Variants in PEMT observed in about 807,000 individuals in gnomAD.
PEMT encodes phosphatidylethanolamine N-methyltransferase.
Under a neutral mutation model 27.4 loss-of-function variants are expected in PEMT, and 23 were observed. The observed-to-expected ratio is 0.84, with a 90% CI of 0.60 to 1.19. The LOEUF (loss-of-function observed/expected upper bound fraction) is 1.19, where lower values mean the gene tolerates loss of function less well. PEMT is among the 50% of genes most tolerant of loss of function. The probability of loss-of-function intolerance (pLI) is 0.00; values close to 1 mark genes in which losing one functional copy is unlikely to be tolerated. For synonymous variants in PEMT, 137 were observed against 139.1 expected (o/e 0.98, Z 0.11); for missense variants, 307 against 310.1 (o/e 0.99, Z 0.07).
chr17:17,561,751 G>A lies in PEMT; in HGVS notation c.204+15169C>T, dbSNP rs1194684660. On this transcript the variant is annotated intron_variant, in intron 2 of 6. Transcript: ENST00000255389. The surrounding 1 kb of genome is among the most constrained non-coding windows in gnomAD (Gnocchi z 4.5). ...CCAGAGATATGAGGGGGGCACAACC[G>A]CACCGGGCTCCCGAGGATGGCAAGG... Among the ~76,000 whole-genome samples, 1 of 152,198 alleles carries A rather than the reference G, an allele frequency of 6.6e-6. No individual in the cohort carries two copies. Among genetic ancestry groups the A allele is most frequent in the Non-Finnish European group, 1.5e-5 (1 of 68,036 alleles).
At chr17:17,522,476 T>C in intron 2 of PEMT, 81 bp from the exon 3 acceptor site, 2 of 881,332 alleles carry the variant, frequency 2.3e-6, no homozygotes, top group Non-Finnish European at 3.7e-6. Flanking sequence ...TGCCTCTCTC[T>C]GCTTCCCAGG....
chr17:17,567,190 T>G (rs568169484), intron 2 of PEMT, among the ~76,000 whole-genome samples: 127 of 152,368 alleles, frequency 8.3e-4, no homozygotes, highest in African/African-American at 2.9e-3. Flanking sequence ...GGATCCTGCC[T>G]GCCAGGCTCC....
chr17:17,570,891 C>T (rs1911153865), intron 2 of PEMT: 1 of 985,378 alleles, frequency 1.0e-6, no homozygotes, highest in South Asian at 4.7e-5. Context: ...GGAGTCCATC[C>T]TGGTCCTTGG....
chr17:17,540,729 T>TG, intron 2 of PEMT, among the ~76,000 whole-genome samples: 1 of 152,316 alleles, frequency 6.6e-6, no homozygotes, highest in African/African-American at 2.4e-5. Context: ...CAGAGGGTCG[T>TG]GCAGCATGCA....
At chr17:17,564,568 G>A (rs1422882080) in intron 2 of PEMT, among the ~76,000 whole-genome samples, 1 of 152,132 alleles carries the variant, frequency 6.6e-6, no homozygotes, top group Non-Finnish European at 1.5e-5. Context: ...GAGGGCAGAG[G>A]CACTTCAGCA....
chr17:17,508,804 C>A (rs529656292), intron 5 of PEMT: 4 of 463,118 alleles, frequency 8.6e-6, no homozygotes, highest in African/African-American at 6.0e-5. Flanking sequence ...TGGCACGGGG[C>A]CCCCTCTGTG....
intron 1 of PEMT, among the ~76,000 whole-genome samples, chr17:17,589,865 C>T (rs1009097208): frequency 3.9e-5 from 6 of 152,220 alleles, no homozygotes; most frequent in Admixed American, 2.0e-4. Context: ...CAACAAGGGT[C>T]ACCCTGACCC....
chr17:17,535,759 A>T (rs1908420617), intron 2 of PEMT, among the ~76,000 whole-genome samples: 1 of 152,202 alleles, frequency 6.6e-6, no homozygotes, highest in Non-Finnish European at 1.5e-5. Context: ...ATATTGTGAG[A>T]GAATTCTTGA....
At chr17:17,586,507 C>T (rs1400227824) in intron 1 of PEMT, among the ~76,000 whole-genome samples, 1 of 152,110 alleles carries the variant, frequency 6.6e-6, no homozygotes, top group African/African-American at 2.4e-5. Context: ...GAATTAAACT[C>T]GAAATCAGTC....
chr17:17,515,342 G>A (rs1050962735), intron 3 of PEMT, among the ~76,000 whole-genome samples: 1 of 152,264 alleles, frequency 6.6e-6, no homozygotes, highest in Non-Finnish European at 1.5e-5. Context: ...CTTGGAAGCA[G>A]ATTCCTGATG....
At chr17:17,541,053 C>T (rs775192730) in intron 2 of PEMT, among the ~76,000 whole-genome samples, 7 of 152,216 alleles carry the variant, frequency 4.6e-5, no homozygotes, top group African/African-American at 1.2e-4. Flanking sequence ...TCGGCTGAGA[C>T]GGGGACAGAG....
chr17:17,518,289 C>G (rs1416965065), intron 3 of PEMT: 1 of 372,282 alleles, frequency 2.7e-6, no homozygotes, highest in Non-Finnish European at 3.7e-6. Flanking sequence ...CCACGCCTCG[C>G]CCACCCCCGT....
rs978921556 is a variant in PEMT at position 17,513,154 on chromosome 17, T to A, written c.321-500A>T. Among the ~76,000 whole-genome samples, 2 of 152,318 alleles carry A rather than the reference T, an allele frequency of 1.3e-5. No homozygotes were observed. The highest frequency in any genetic ancestry group is 2.9e-5 in the Non-Finnish European group (2 of 68,026). On this transcript the variant is annotated intron_variant, in intron 3 of 6. Transcript: ENST00000255389. This position sits in a 1 kb window ranked among gnomAD's most constrained non-coding sequence, Gnocchi z 4.1. Reference sequence around the variant, plus strand: ...CCTGGGGCATGCTCTGTGCTAGGGATTGCGCTTCCACAGCCCCTGTGGGTC... The same window carrying A: ...CCTGGGGCATGCTCTGTGCTAGGGAATGCGCTTCCACAGCCCCTGTGGGTC...
Position 17,546,307 on chromosome 17 carries a change from T to A in PEMT, c.205-23912A>T, listed in dbSNP as rs184165468. ...GATGCCTGCTGGACACCACTGCCCC[T>A]GGGTTTGGCCGGGCTTTGCTCTCCC... On this transcript the variant is annotated intron_variant, in intron 2 of 6. Transcript: ENST00000255389. 5.1e-3 allele frequency among the ~76,000 whole-genome samples: 775 copies of A among 152,046 alleles called. 5 individuals carry two copies. Among genetic ancestry groups the A allele is most frequent in the Non-Finnish European group, 8.4e-3 (568 of 68,002 alleles).
intron 2 of PEMT, among the ~76,000 whole-genome samples, chr17:17,575,576 C>G (rs1911528417): frequency 6.6e-6 from 1 of 152,244 alleles, no homozygotes; most frequent in African/African-American, 2.4e-5. Flanking sequence ...GGCTGCAGCC[C>G]TGGCTCCAGA....
chr17:17,572,544 A>T (rs776081160), intron 2 of PEMT, among the ~76,000 whole-genome samples: 1 of 152,130 alleles, frequency 6.6e-6, no homozygotes, highest in African/African-American at 2.4e-5. Context: ...GCCCTCCTGC[A>T]TGAGAATCAG....
Position 17,536,003 on chromosome 17 carries a change from C to T in PEMT, c.205-13608G>A, listed in dbSNP as rs16961854. Among the ~76,000 whole-genome samples, 1,315 of 152,270 alleles carry T rather than the reference C, an allele frequency of 8.6e-3. 22 individuals are homozygous for T. Among genetic ancestry groups the T allele is most frequent in the African/African-American group, 0.029 (1,208 of 41,550 alleles). On this transcript the variant is annotated intron_variant, in intron 2 of 6. Coordinates refer to ENST00000255389, the MANE Select transcript of PEMT (RefSeq NM_148172.3). ...AGGGCCTTGGTCCAGTGTCTGGCAA[C>T]GACTCCCTTATTCTGCCACTGTCTC... is the stretch of plus-strand genomic sequence containing the variant.
chr17:17,591,561 G>A lies in PEMT; in HGVS notation c.66C>T (p.Cys22=), dbSNP rs375814179. ...TAAAATCAATATTGCCGAGGCCTCCGCAGCAGTCAGGCCCTGCCACCGAGC... is the reference window on the plus strand; with the variant it reads ...TAAAATCAATATTGCCGAGGCCTCCACAGCAGTCAGGCCCTGCCACCGAGC... ...TNSSVAGPDC[C]GGLGNIDFRQ... The change falls in exon 1 of 7, where the codon TGC becomes TGT. Residue 22 remains cysteine (C), a synonymous_variant. Transcript: ENST00000255389. 1.9e-5 allele frequency: 31 copies of A among 1,613,528 alleles called. No homozygotes were observed. Among genetic ancestry groups the A allele is most frequent in the African/African-American group, 4.0e-5 (3 of 74,906 alleles).
intron 2 of PEMT, among the ~76,000 whole-genome samples, chr17:17,562,101 T>C (rs796434184): frequency 4.6e-5 from 7 of 152,320 alleles, no homozygotes; most frequent in African/African-American, 1.7e-4. Context: ...TTTTCCACTT[T>C]CCTGCCATGA....
Sources: gnomAD v4.1 joint callset for allele counts (sites outside exome capture counted in the v4.1 genomes callset) on GRCh38, gnomAD v4.1.1 for gene constraint, Gnocchi (gnomAD v3.1) non-coding constraint, MANE v1.5 for transcripts, NCBI Gene and HGNC (gene_info 2026-07-23, HGNC 2026-07-21) for gene names.